Variants in PLCH1 observed in about 807,000 individuals in gnomAD.
PLCH1 encodes phospholipase C eta 1.
In PLCH1, 60 loss-of-function variants were observed where a neutral mutation model predicts 126.7. The observed-to-expected ratio is 0.47, with a 90% CI of 0.38 to 0.59. The LOEUF (loss-of-function observed/expected upper bound fraction) is 0.59. Ranked by LOEUF, PLCH1 falls within the 20% of genes least tolerant of loss-of-function variation. The pLI is 0.00. For synonymous variants in PLCH1, 719 were observed against 734.9 expected (o/e 0.98, Z 0.35); for missense variants, 1,723 against 2,040.0 (o/e 0.84, Z 2.99).
intron 2 of PLCH1, among the ~76,000 whole-genome samples, chr3:155,650,375 A>C (rs1740578233): frequency 6.6e-6 from 1 of 152,224 alleles, no homozygotes; most frequent in South Asian, 2.1e-4. Context: ...GTCATAAACA[A>C]GCACCAGCAA....
chr3:155,505,396 G>T (rs1718503961), intron 12 of PLCH1, among the ~76,000 whole-genome samples: 1 of 152,168 alleles, frequency 6.6e-6, no homozygotes, highest in African/African-American at 2.4e-5. Context: ...TTAAAAATAT[G>T]TTAGGTGGTT....
At chr3:155,493,129 G>T (rs1461206072) in intron 17 of PLCH1, among the ~76,000 whole-genome samples, 1 of 152,192 alleles carries the variant, frequency 6.6e-6, no homozygotes, top group African/African-American at 2.4e-5. Flanking sequence ...GTAAAAAGAA[G>T]AACAATTATG....
At chr3:155,660,648 G>A (rs1742023244) in intron 2 of PLCH1, among the ~76,000 whole-genome samples, 1 of 152,172 alleles carries the variant, frequency 6.6e-6, no homozygotes, top group South Asian at 2.1e-4. Context: ...AGGAGTTGGG[G>A]GTAGGGGGTT....
intron 2 of PLCH1, among the ~76,000 whole-genome samples, chr3:155,621,682 T>C (rs1736529852): frequency 6.6e-6 from 1 of 151,836 alleles, no homozygotes; most frequent in Non-Finnish European, 1.5e-5. Flanking sequence ...ATCAACTCAA[T>C]GAAATAAAGC....
chr3:155,470,630 T>C (rs947922863), intron 21 of PLCH1, among the ~76,000 whole-genome samples: 4 of 151,992 alleles, frequency 2.6e-5, no homozygotes, highest in Non-Finnish European at 5.9e-5. Flanking sequence ...ATTGTCAGAT[T>C]CACCAAAGTT....
chr3:155,620,493 G>T (rs1358023728), intron 2 of PLCH1, among the ~76,000 whole-genome samples: 1 of 152,188 alleles, frequency 6.6e-6, no homozygotes. Context: ...TAGTGTCAGG[G>T]ATGGATTGAA....
At position 155,594,013 on chromosome 3, in the gene PLCH1, G is replaced by A. The variant is rs749731198; in HGVS notation, c.398C>T (p.Thr133Ile). 1.9e-6 allele frequency: 3 copies of A among 1,614,050 alleles called. No homozygotes were observed. Among genetic ancestry groups the A allele is most frequent in the Non-Finnish European group, 2.5e-6 (3 of 1,179,970 alleles). The part of the protein sequence containing the change: ...SNPEEARTWI[T>I]GLKYLMAGIS... ...GCCAGCCATCAGGTACTTGAGGCCT[G>A]TGATCCAGGTGCGGGCCTCCTCGGG... is the stretch of plus-strand genomic sequence containing the variant. Residue 133 changes from threonine (T) to isoleucine (I), a missense_variant, in exon 4 of 23, where the codon ACA (threonine) becomes ATA (isoleucine). Thr to Ile is a moderately conservative substitution (Grantham distance 89, BLOSUM62 -1). Coordinates refer to ENST00000460012, the MANE Select transcript of PLCH1 (RefSeq NM_014996.4).
At chr3:155,711,173 A>G (rs1028133808) in intron 1 of PLCH1, among the ~76,000 whole-genome samples, 3 of 152,194 alleles carry the variant, frequency 2.0e-5, no homozygotes, top group Admixed American at 6.5e-5. Flanking sequence ...ATAAATAAAC[A>G]GAGCCATGTA....
chr3:155,608,603 C>G (rs752678597), intron 2 of PLCH1, among the ~76,000 whole-genome samples: 2 of 152,132 alleles, frequency 1.3e-5, no homozygotes, highest in Non-Finnish European at 1.5e-5. Flanking sequence ...AGCTTTCCCC[C>G]ACTTCTCTGG....
intron 2 of PLCH1, among the ~76,000 whole-genome samples, chr3:155,597,534 C>T (rs990713306): frequency 3.9e-5 from 6 of 152,144 alleles, no homozygotes; most frequent in Non-Finnish European, 8.8e-5. Flanking sequence ...ATACCTAGTT[C>T]TGAGTACCTA....
At chr3:155,678,484 T>C (rs546816725) in intron 2 of PLCH1, among the ~76,000 whole-genome samples, 3 of 152,220 alleles carry the variant, frequency 2.0e-5, no homozygotes, top group Non-Finnish European at 4.4e-5. Context: ...TATTATTAAA[T>C]ATCCAATTCT....
At chr3:155,458,549 A>G (rs895371245) in intron 21 of PLCH1, among the ~76,000 whole-genome samples, 3 of 139,358 alleles carry the variant, frequency 2.2e-5, no homozygotes, top group Non-Finnish European at 4.5e-5. Flanking sequence ...AGAAAAAGAA[A>G]GAAAGAGAAA....
chr3:155,488,725 T>A lies in PLCH1; in HGVS notation c.2474A>T (p.Asp825Val). 1.2e-6 allele frequency: 2 copies of A among 1,614,074 alleles called. No homozygotes were observed. The highest frequency in any genetic ancestry group is 1.7e-6 in the Non-Finnish European group (2 of 1,179,976). The change falls in exon 20 of 23, where the codon GAT becomes GTT. Residue 825 changes from aspartate (D) to valine (V), a missense_variant. This residue lies in a region of PLCH1 where 776 missense variants were observed against 1,062.9 expected (regional missense o/e 0.73). Transcript: ENST00000460012. ...AAAGTCTCGTCCAATGGGATCGTGA[T>A]CCCACACAAGGAACCGAACCAAAGC... ...EIALVRFLVWDHDPIGRDFVG... is the reference protein window; with the variant it reads ...EIALVRFLVWVHDPIGRDFVG...
chr3:155,599,552 A>G (rs571073228), intron 2 of PLCH1, among the ~76,000 whole-genome samples: 4 of 152,304 alleles, frequency 2.6e-5, no homozygotes, highest in African/African-American at 7.2e-5. Flanking sequence ...GAGGCTCACT[A>G]GATATATCTG....
At chr3:155,725,540 C>G (rs940251215) in intron 1 of PLCH1, among the ~76,000 whole-genome samples, 1 of 151,736 alleles carries the variant, frequency 6.6e-6, no homozygotes, top group South Asian at 2.1e-4. Flanking sequence ...CTCCACCTCC[C>G]ACGTTCAAGC....
chr3:155,703,434 G>A (rs358704), intron 2 of PLCH1, among the ~76,000 whole-genome samples: 56,765 of 151,994 alleles, frequency 0.37, 11,093 homozygotes, highest in East Asian at 0.47. Flanking sequence ...GTTTCACCCT[G>A]GGGTATCTTG....
At chr3:155,692,455 AATGAATGGATGG>A (rs1745459088) in intron 2 of PLCH1, among the ~76,000 whole-genome samples, 1 of 145,794 alleles carries the variant, frequency 6.9e-6, no homozygotes, top group Non-Finnish European at 1.5e-5. Context: ...AGAATGAATG[AATGAATGGATGG>A]ATGGATGGAT....
intron 1 of PLCH1, among the ~76,000 whole-genome samples, chr3:155,740,567 G>A (rs533809940): frequency 5.3e-5 from 8 of 152,136 alleles, no homozygotes; most frequent in Admixed American, 3.3e-4. Context: ...GCAAGGATTC[G>A]AGGCCAGGAG....
intron 2 of PLCH1, among the ~76,000 whole-genome samples, chr3:155,691,946 G>T (rs936638600): frequency 2.0e-5 from 3 of 151,726 alleles, no homozygotes; most frequent in Non-Finnish European, 4.4e-5. Context: ...TCAAAGAATC[G>T]CTTGAACCCA....
Sources: gnomAD v4.1 joint callset for allele counts (sites outside exome capture counted in the v4.1 genomes callset) on GRCh38, gnomAD v4.1.1 for gene constraint, gnomAD v4.1.1 regional missense constraint, MANE v1.5 for transcripts, NCBI Gene and HGNC (gene_info 2026-07-23, HGNC 2026-07-21) for gene names.